Variants in STK3 observed in about 807,000 individuals in gnomAD.
STK3 encodes serine/threonine-protein kinase 3.
In STK3, 41 loss-of-function variants were observed where a neutral mutation model predicts 58.0. That is an observed-to-expected ratio of 0.71 (90% CI 0.55 to 0.92). The LOEUF (loss-of-function observed/expected upper bound fraction) is 0.92. Ranked by LOEUF, STK3 falls within the 40% of genes least tolerant of loss-of-function variation. The pLI, the probability that STK3 is intolerant of heterozygous loss-of-function variation, is 0.00. For synonymous variants in STK3, 170 were observed against 191.0 expected (o/e 0.89, Z 0.91); for missense variants, 479 against 602.7 (o/e 0.79, Z 2.15).
intron 6 of STK3, among the ~76,000 whole-genome samples, chr8:98,654,630 G>A (rs1821314400): frequency 6.6e-6 from 1 of 152,174 alleles, no homozygotes; most frequent in Non-Finnish European, 1.5e-5. Flanking sequence ...AGCAACTTCA[G>A]CAAAGTCTCA....
At chr8:98,484,593 A>C (rs1822099780) in intron 10 of STK3, among the ~76,000 whole-genome samples, 1 of 152,166 alleles carries the variant, frequency 6.6e-6, no homozygotes, top group Non-Finnish European at 1.5e-5. Context: ...AAACGATTTC[A>C]CCATTTACTA....
At chr8:98,633,357 T>C (rs1819394260) in intron 6 of STK3, among the ~76,000 whole-genome samples, 1 of 152,198 alleles carries the variant, frequency 6.6e-6, no homozygotes, top group South Asian at 2.1e-4. Context: ...GGATCTTAAG[T>C]AAGACAGTAA....
At chr8:98,589,636 C>T (rs1473451360) in intron 7 of STK3, among the ~76,000 whole-genome samples, 2 of 152,272 alleles carry the variant, frequency 1.3e-5, no homozygotes, top group African/African-American at 2.4e-5. Flanking sequence ...CCAGTTCGAG[C>T]TTCCTGGCTG....
chr8:98,707,430 C>T, intron 4 of STK3, 119 bp from the exon 5 acceptor site: 1 of 753,896 alleles, frequency 1.3e-6, no homozygotes, highest in Non-Finnish European at 2.0e-6. Flanking sequence ...TTTTAAGAGA[C>T]CCCACTCTGT....
intron 9 of STK3, among the ~76,000 whole-genome samples, chr8:98,532,243 T>C (rs1826216831): frequency 6.6e-6 from 1 of 152,176 alleles, no homozygotes; most frequent in Non-Finnish European, 1.5e-5. Context: ...CTTTAGCACA[T>C]AGAGGCCATT....
intron 4 of STK3, among the ~76,000 whole-genome samples, chr8:98,732,054 C>G (rs1050301137): frequency 6.6e-6 from 1 of 152,026 alleles, no homozygotes; most frequent in Non-Finnish European, 1.5e-5. Context: ...CAAAAGAGTT[C>G]TTGTAATTAA....
rs191496357 is a variant in STK3 at position 98,567,988 on chromosome 8, G to A, written c.948+11676C>T. 5.0e-4 allele frequency among the ~76,000 whole-genome samples: 76 copies of A among 152,136 alleles called. 1 individual carries two copies. The highest frequency in any genetic ancestry group is 1.5e-3 in the African/African-American group (63 of 41,498). The stretch of plus-strand genomic sequence containing the variant: ...CAGGAAAACTGCTTGAACCCAGGAG[G>A]TGGAGGTTGCAGTGAGCTGAGATCA... On this transcript the variant is annotated intron_variant, in intron 8 of 10. Coordinates refer to ENST00000419617, the MANE Select transcript of STK3 (RefSeq NM_006281.4).
chr8:98,913,365 T>G (rs1839224312), intron 1 of STK3, among the ~76,000 whole-genome samples: 1 of 152,226 alleles, frequency 6.6e-6, no homozygotes, highest in African/African-American at 2.4e-5. Flanking sequence ...AAATAAAAAC[T>G]TCTATAAAAG....
Position 98,818,538 on chromosome 8 carries a change from A to ATGTGTG in STK3, c.26+6971_26+6976dup, listed in dbSNP as rs72513007. ...ATTAGCTGCCAATTATAAATTATAAATGTGTGTGTGTGTGTGTGTGTGTGT... is the reference window on the plus strand; with the variant it reads ...ATTAGCTGCCAATTATAAATTATAAATGTGTGTGTGTGTGTGTGTGTGTGTGTGTGT... On this transcript the variant is annotated intron_variant, in intron 1 of 10. Coordinates refer to ENST00000419617, the MANE Select transcript of STK3 (RefSeq NM_006281.4). 2.4e-3 allele frequency among the ~76,000 whole-genome samples: 348 copies of ATGTGTG among 145,408 alleles called. 1 individual carries two copies. Among genetic ancestry groups the ATGTGTG allele is most frequent in the African/African-American group, 6.7e-3 (265 of 39,514 alleles).
At chr8:98,713,643 C>T (rs551327711) in intron 4 of STK3, among the ~76,000 whole-genome samples, 4 of 152,156 alleles carry the variant, frequency 2.6e-5, no homozygotes, top group African/African-American at 7.2e-5. Flanking sequence ...TAATAGCTTA[C>T]CAACCAAAAA....
Position 98,729,548 on chromosome 8 carries a change from T to C in STK3, c.351+19728A>G, listed in dbSNP as rs1361095048. Reference sequence around the variant, plus strand: ...AATGGTGAATACTAAGATTCTATCCTTGGTTCTATAGTTCTCTGCATTCTT... The same window carrying C: ...AATGGTGAATACTAAGATTCTATCCCTGGTTCTATAGTTCTCTGCATTCTT... On this transcript the variant is annotated intron_variant, in intron 4 of 10. Transcript: ENST00000419617. 2.0e-5 allele frequency among the ~76,000 whole-genome samples: 3 copies of C among 152,254 alleles called. No individual in the cohort carries two copies. In the East Asian group the frequency reaches 5.8e-4, roughly 29 times the overall value.
Position 98,428,001 on chromosome 8 carries a change from G to C in STK3, n.483+6126C>G. 1 of 1,572,624 alleles carries C rather than the reference G, an allele frequency of 6.4e-7. No homozygotes were observed. Among genetic ancestry groups the C allele is most frequent in the South Asian group, 1.2e-5 (1 of 86,400 alleles). On this transcript the variant is annotated intron_variant and non_coding_transcript_variant, in intron 3 of 3. Coordinates refer to the STK3 transcript ENST00000517832. This position sits in a 1 kb window ranked among gnomAD's most constrained non-coding sequence, Gnocchi z 6.7. The stretch of plus-strand genomic sequence containing the variant: ...CAGCATGACCGGCCAGAGCCTGTGG[G>C]ACGTGTCGGAGGCTAACGTCGAGGA...
chr8:98,458,364 T>C (rs760567264), intron 10 of STK3, among the ~76,000 whole-genome samples: 1 of 152,244 alleles, frequency 6.6e-6, no homozygotes, highest in Non-Finnish European at 1.5e-5. Context: ...CAGTGTTTTG[T>C]AGTTCTCCCT....
chr8:98,767,217 A>T (rs1291463697), intron 3 of STK3, 26 bp downstream of exon 3: 1 of 1,563,126 alleles, frequency 6.4e-7, no homozygotes, highest in Admixed American at 2.0e-5. Flanking sequence ...AACAAGGGTA[A>T]GCAAAGAAAT....
intron 1 of STK3, among the ~76,000 whole-genome samples, chr8:98,887,998 T>C (rs988511677): frequency 1.3e-5 from 2 of 152,098 alleles, no homozygotes; most frequent in Non-Finnish European, 1.5e-5. Context: ...GATGGCTGAA[T>C]ATGGGGCTAG....
chr8:98,656,485 T>TA lies in STK3; in HGVS notation c.684+49981dup, dbSNP rs34284136. Reference sequence around the variant, plus strand: ...ATGTACCCTAAAACTTAAAGTATAATAAAAAAAAAAGTTTCCTTTTTTATA... The same window carrying TA: ...ATGTACCCTAAAACTTAAAGTATAATAAAAAAAAAAAGTTTCCTTTTTTATA... On this transcript the variant is annotated intron_variant, in intron 6 of 10. Transcript: ENST00000419617. Among the ~76,000 whole-genome samples the TA allele has an allele frequency of 8.4e-4, 126 of 149,460 alleles. 1 individual carries two copies. Among genetic ancestry groups the TA allele is most frequent in the African/African-American group, 2.9e-3 (116 of 40,598 alleles).
At chr8:98,721,485 A>G (rs934388410) in intron 4 of STK3, among the ~76,000 whole-genome samples, 1 of 152,096 alleles carries the variant, frequency 6.6e-6, no homozygotes, top group Non-Finnish European at 1.5e-5. Context: ...GCTGGGCAAC[A>G]TAGTGAGGCC....
At chr8:98,487,098 C>T (rs577496674) in intron 10 of STK3, among the ~76,000 whole-genome samples, 163 of 152,150 alleles carry the variant, frequency 1.1e-3, no homozygotes, top group African/African-American at 3.7e-3. Flanking sequence ...TGAATAGTTA[C>T]TGTGCATAAG....
chr8:98,651,955 A>G (rs1820978484), intron 6 of STK3, among the ~76,000 whole-genome samples: 1 of 152,098 alleles, frequency 6.6e-6, no homozygotes, highest in East Asian at 1.9e-4. Flanking sequence ...AGGCAGGCCA[A>G]CATTCAGATT....
Sources: gnomAD v4.1 joint callset for allele counts (sites outside exome capture counted in the v4.1 genomes callset) on GRCh38, gnomAD v4.1.1 for gene constraint, Gnocchi (gnomAD v3.1) non-coding constraint, MANE v1.5 for transcripts, NCBI Gene and HGNC (gene_info 2026-07-23, HGNC 2026-07-21) for gene names.